INSL6: variants seen among roughly 807,000 people sequenced by gnomAD.
The protein encoded by INSL6 is insulin-like peptide INSL6.
In INSL6, 16 loss-of-function variants were observed where a neutral mutation model predicts 9.4. That is an observed-to-expected ratio of 1.70 (90% CI 1.15 to 2.59). The LOEUF (loss-of-function observed/expected upper bound fraction) is 2.59, where lower values mean the gene tolerates loss of function less well. Ranked by LOEUF, INSL6 falls within the 30% of genes most tolerant of loss-of-function variation. INSL6 has a pLI of 0.00. For synonymous variants in INSL6, 154 were observed against 96.9 expected, an observed-to-expected ratio of 1.59 and a Z score of -3.46; for missense variants, 391 against 257.3, an observed-to-expected ratio of 1.52 and a Z score of -3.56.
chr9:5,126,193 A>T, intron 3 of INSL6: 1 of 573,366 alleles, frequency 1.7e-6, no homozygotes, highest in South Asian at 2.4e-5. Context: ...TTGATCCTAA[A>T]AGTAGTTTGT....
chr9:5,120,651 C>T (rs541375639), downstream of INSL6, among the ~76,000 whole-genome samples: 110 of 152,164 alleles, frequency 7.2e-4, no homozygotes, highest in Non-Finnish European at 1.3e-3. Context: ...GATCTTTGTA[C>T]ATTATTCTTC....
the INSL6 span, among the ~76,000 whole-genome samples, chr9:5,087,828 A>T: frequency 2.6e-3 from 393 of 152,002 alleles, no homozygotes; most frequent in African/African-American, 9.2e-3. Flanking sequence ...GTACACAAAT[A>T]TTTATTTATA....
intron 3 of INSL6, among the ~76,000 whole-genome samples, chr9:5,130,167 A>G (rs747353753): frequency 2.0e-5 from 3 of 152,300 alleles, no homozygotes; most frequent in South Asian, 2.1e-4. Flanking sequence ...TATTTTGAAT[A>G]TAACAGATTT....
At chr9:5,029,696 ACTTTAGCTT>A in the INSL6 span, 2 of 1,222,816 alleles carry the variant, frequency 1.6e-6, no homozygotes, top group Non-Finnish European at 2.3e-6. Flanking sequence ...AAGAGTTGTT[ACTTTAGCTT>A]CATTTCAAAT....
chr9:5,185,570 C>G lies in INSL6; in HGVS notation c.33G>C (p.Trp11Cys), dbSNP rs367825102. 6.2e-7 allele frequency: 1 copy of G among 1,613,814 alleles called. No homozygotes were observed. Among genetic ancestry groups the G allele is most frequent in the Non-Finnish European group, 8.5e-7 (1 of 1,180,004 alleles). ...AAAACCGAACCAGCAGGAGTCCAAGCCACAGCAGGGACAAGCGGAGGAGCC... is the reference window on the plus strand; with the variant it reads ...AAAACCGAACCAGCAGGAGTCCAAGGCACAGCAGGGACAAGCGGAGGAGCC... MPRLLRLSLL[W>C]LGLLLVRFSR... The change falls in exon 1 of 2, where the codon TGG becomes TGC. Residue 11 changes from tryptophan (W) to cysteine (C), a missense_variant. Transcript: ENST00000381641.
chr9:5,072,678 C>G, the INSL6 span: 6 of 1,369,012 alleles, frequency 4.4e-6, no homozygotes, highest in Non-Finnish European at 5.9e-6. Context: ...TAAAGATGTG[C>G]TCTCATATGC....
chr9:5,079,691 AT>A, the INSL6 span, among the ~76,000 whole-genome samples: 1 of 152,088 alleles, frequency 6.6e-6, no homozygotes, highest in Non-Finnish European at 1.5e-5. Context: ...TGTAATTCCA[AT>A]GCTTTGGGAG....
chr9:5,027,088 A>G, the INSL6 span, among the ~76,000 whole-genome samples: 1 of 152,210 alleles, frequency 6.6e-6, no homozygotes, highest in African/African-American at 2.4e-5. Flanking sequence ...CCTCCAGTTC[A>G]GGGAAACTTG....
chr9:5,166,565 A>G (rs1008602175), intron 1 of INSL6, among the ~76,000 whole-genome samples: 3 of 152,202 alleles, frequency 2.0e-5, no homozygotes. Context: ...AAAAATAAAG[A>G]TTAAATGGAT....
At chr9:5,057,775 G>T in the INSL6 span, among the ~76,000 whole-genome samples, 4 of 151,916 alleles carry the variant, frequency 2.6e-5, no homozygotes, top group African/African-American at 9.6e-5. Flanking sequence ...TAGAGACGGG[G>T]TTTCACCATG....
chr9:5,171,656 A>C (rs1263532464), intron 1 of INSL6, among the ~76,000 whole-genome samples: 1 of 152,184 alleles, frequency 6.6e-6, no homozygotes, highest in Admixed American at 6.5e-5. Flanking sequence ...CAAGATACAA[A>C]ATCAACGTGC....
the INSL6 span, among the ~76,000 whole-genome samples, chr9:5,059,972 A>T: frequency 6.6e-6 from 1 of 152,178 alleles, no homozygotes; most frequent in African/African-American, 2.4e-5. Flanking sequence ...ATATAGACAT[A>T]CGTCAGAGAT....
chr9:5,099,893 T>C, the INSL6 span: 1 of 152,216 alleles, frequency 6.6e-6, no homozygotes, highest in African/African-American at 2.4e-5. Context: ...GCAGGCGCAG[T>C]AATTACAGTC....
intron 3 of INSL6, chr9:5,126,411 G>A (rs1824001435): frequency 6.2e-7 from 1 of 1,610,218 alleles, no homozygotes; most frequent in African/African-American, 1.3e-5. Flanking sequence ...GAAGAATAAT[G>A]GAAGATTACC....
exon 4 of INSL6, among the ~76,000 whole-genome samples, chr9:5,124,086 T>C (rs1294497313): frequency 6.6e-6 from 1 of 151,780 alleles, no homozygotes; most frequent in African/African-American, 2.4e-5. Flanking sequence ...ATTGCTTGAG[T>C]TCCTTATAAA....
chr9:5,085,042 C>T, the INSL6 span: 1 of 778,644 alleles, frequency 1.3e-6, no homozygotes, highest in Non-Finnish European at 2.2e-6. Flanking sequence ...ATGAGGGCGT[C>T]TCTTTCTGGG....
At chr9:5,169,088 G>A (rs193125225) in intron 1 of INSL6, among the ~76,000 whole-genome samples, 7 of 152,080 alleles carry the variant, frequency 4.6e-5, no homozygotes, top group African/African-American at 7.2e-5. Flanking sequence ...CACCATGCCC[G>A]GCTAATTTTG....
At chr9:5,114,437 G>C in the INSL6 span, 10 of 486,740 alleles carry the variant, frequency 2.1e-5, no homozygotes, top group Admixed American at 1.8e-4. Flanking sequence ...ACCAGTGCAG[G>C]GTGACCCACA....
the INSL6 span, chr9:5,070,172 A>G: frequency 1.7e-6 from 1 of 602,908 alleles, no homozygotes; most frequent in East Asian, 3.5e-5. Flanking sequence ...GTTGTGATTT[A>G]AATATTTTTC....
Sources: gnomAD v4.1 joint callset for allele counts (sites outside exome capture counted in the v4.1 genomes callset) on GRCh38, gnomAD v4.1.1 for gene constraint, MANE v1.5 for transcripts, NCBI Gene and HGNC (gene_info 2026-07-23, HGNC 2026-07-21) for gene names.